KCNAB1: variants seen among roughly 807,000 people sequenced by gnomAD.
The protein encoded by KCNAB1 is potassium voltage-gated channel subfamily A regulatory beta subunit 1, also known as voltage-gated potassium channel subunit beta-1.
A neutral mutation model predicts 64.6 loss-of-function variants in KCNAB1; 35 were observed. The observed-to-expected ratio is 0.54, with a 90% CI of 0.41 to 0.72. KCNAB1 has a LOEUF of 0.72. Among genes scored for constraint, KCNAB1 ranks in the 30% least tolerant of loss-of-function variants. The pLI is 0.00. For synonymous variants in KCNAB1, 177 were observed against 183.8 expected (o/e 0.96, Z 0.30); for missense variants, 401 against 512.9 (o/e 0.78, Z 2.11).
intron 2 of KCNAB1, among the ~76,000 whole-genome samples, chr3:156,431,896 C>T (rs998327558): frequency 6.6e-6 from 1 of 152,208 alleles, no homozygotes; most frequent in Non-Finnish European, 1.5e-5. Flanking sequence ...TCATGCCTCA[C>T]ATCCCATTGG....
At chr3:156,137,586 T>A (rs1161641104) in intron 1 of KCNAB1, among the ~76,000 whole-genome samples, 1 of 151,384 alleles carries the variant, frequency 6.6e-6, no homozygotes, top group Non-Finnish European at 1.5e-5. Context: ...TTTTGCTCTA[T>A]CACCCAGGCT....
intron 1 of KCNAB1, among the ~76,000 whole-genome samples, chr3:156,336,389 G>A (rs1723713746): frequency 6.6e-6 from 1 of 151,924 alleles, no homozygotes; most frequent in South Asian, 2.1e-4. Context: ...CAAAAAAAGA[G>A]TAACAATACT....
chr3:156,422,200 G>T (rs1715508722), intron 2 of KCNAB1, among the ~76,000 whole-genome samples: 1 of 152,168 alleles, frequency 6.6e-6, no homozygotes, highest in Non-Finnish European at 1.5e-5. Flanking sequence ...ATTTGAAGAG[G>T]ATTAAATAGA....
At chr3:156,270,644 C>T (rs989466193) in intron 1 of KCNAB1, among the ~76,000 whole-genome samples, 5 of 152,098 alleles carry the variant, frequency 3.3e-5, no homozygotes, top group East Asian at 3.9e-4. Context: ...TATGCCATTG[C>T]GCTGTCTTGA....
chr3:156,290,902 C>A, intron 1 of KCNAB1: 1 of 919,844 alleles, frequency 1.1e-6, no homozygotes, highest in Non-Finnish European at 1.3e-6. Context: ...AAATAACTTG[C>A]AGAGAGAAAA....
rs1013463864 is a variant in KCNAB1 at position 156,498,721 on chromosome 3, T to G, written c.659-15643T>G. ...CGTAGATATCTCAGTTGGTTCAGTT[T>G]ACACAATTCTGACTGAAATATTGAA... On this transcript the variant is annotated intron_variant, in intron 8 of 13. Transcript: ENST00000490337. 3.9e-5 allele frequency among the ~76,000 whole-genome samples: 6 copies of G among 152,252 alleles called. No homozygotes were observed. The East Asian group carries it at 9.6e-4, about 24-fold the overall frequency.
At chr3:156,339,135 C>T (rs1723929555) in intron 1 of KCNAB1, among the ~76,000 whole-genome samples, 1 of 152,114 alleles carries the variant, frequency 6.6e-6, no homozygotes, top group Admixed American at 6.6e-5. Context: ...CTCTGGTCCA[C>T]ACTAAATGAT....
chr3:156,267,077 C>T (rs1718764720), intron 1 of KCNAB1, among the ~76,000 whole-genome samples: 1 of 152,036 alleles, frequency 6.6e-6, no homozygotes, highest in Non-Finnish European at 1.5e-5. Context: ...AAAAATTGCC[C>T]CTAATCCCAG....
chr3:156,251,619 G>T (rs577036577), intron 1 of KCNAB1, among the ~76,000 whole-genome samples: 27 of 152,230 alleles, frequency 1.8e-4, no homozygotes, highest in African/African-American at 6.5e-4. Flanking sequence ...GGGAGGAGGG[G>T]TATCCTTTTT....
At chr3:156,311,668 CTGAG>C (rs1276722442) in intron 1 of KCNAB1, among the ~76,000 whole-genome samples, 1 of 152,134 alleles carries the variant, frequency 6.6e-6, no homozygotes, top group Non-Finnish European at 1.5e-5. Flanking sequence ...TTCTTTAGCA[CTGAG>C]TGAGTGGTCC....
At chr3:156,199,857 C>T (rs1714210205) in intron 1 of KCNAB1, among the ~76,000 whole-genome samples, 1 of 152,128 alleles carries the variant, frequency 6.6e-6, no homozygotes, top group Non-Finnish European at 1.5e-5. Context: ...GTTTTGTGCC[C>T]TTGCTGGAGA....
chr3:156,175,004 T>C (rs1016458498), intron 1 of KCNAB1, among the ~76,000 whole-genome samples: 23 of 152,214 alleles, frequency 1.5e-4, no homozygotes, highest in South Asian at 4.1e-4. Context: ...CCTACTCAAC[T>C]ATTTGGTGGA....
At chr3:156,176,093 C>T in intron 1 of KCNAB1, 1 of 770,166 alleles carries the variant, frequency 1.3e-6, no homozygotes, top group South Asian at 1.4e-5. Flanking sequence ...TTTCCTTGAA[C>T]TATGTTTACA....
At chr3:156,143,569 GTTTTTTTT>G (rs56216211) in intron 1 of KCNAB1, 178,450 of 297,578 alleles carry the variant, frequency 0.6, 41,473 homozygotes, top group Admixed American at 0.71. Flanking sequence ...TTGCATTCTT[GTTTTTTTT>G]TTTTTTTTTT....
intron 1 of KCNAB1, among the ~76,000 whole-genome samples, chr3:156,149,951 T>C (rs1157053770): frequency 6.6e-6 from 1 of 152,204 alleles, no homozygotes; most frequent in Non-Finnish European, 1.5e-5. Flanking sequence ...GAGCTGTGAC[T>C]GTGAAAATCA....
chr3:156,269,525 AG>A lies in KCNAB1; in HGVS notation c.275+148640del, dbSNP rs374510936. 2.8e-3 allele frequency among the ~76,000 whole-genome samples: 432 copies of A among 152,344 alleles called. 3 individuals are homozygous for A. The highest frequency in any genetic ancestry group is 0.01 in the African/African-American group (419 of 41,580). On this transcript the variant is annotated intron_variant, in intron 1 of 13. Coordinates refer to ENST00000490337, the MANE Select transcript of KCNAB1 (RefSeq NM_172160.3). ...ATTAGGTACACTTGACCTATAGGGC[AG>A]ATTAAATCTGTTTTTTCTTTGTTGA...
intron 1 of KCNAB1, among the ~76,000 whole-genome samples, chr3:156,152,233 T>G (rs1229722487): frequency 6.6e-6 from 1 of 151,834 alleles, no homozygotes; most frequent in Non-Finnish European, 1.5e-5. Context: ...TGAGGGTGGG[T>G]GTTAGTGGTA....
At chr3:156,482,174 G>C (rs1050255376) in intron 8 of KCNAB1, among the ~76,000 whole-genome samples, 1 of 150,442 alleles carries the variant, frequency 6.6e-6, no homozygotes, top group Non-Finnish European at 1.5e-5. Flanking sequence ...CCTTTAAGCT[G>C]ATTTAATCAT....
intron 2 of KCNAB1, among the ~76,000 whole-genome samples, chr3:156,450,160 G>C (rs560509368): frequency 6.6e-6 from 1 of 152,136 alleles, no homozygotes; most frequent in Non-Finnish European, 1.5e-5. Flanking sequence ...ATGGACTTGG[G>C]GATAGTGTAC....
Sources: allele counts gnomAD v4.1 joint callset (sites outside exome capture counted in the v4.1 genomes callset), GRCh38; gene constraint gnomAD v4.1.1; transcripts MANE v1.5; gene names NCBI Gene and HGNC (gene_info 2026-07-23, HGNC 2026-07-21).